Variants in AATF observed in about 807,000 individuals in gnomAD.
The protein encoded by AATF is apoptosis antagonizing transcription factor.
In AATF, 48 loss-of-function variants were observed where a neutral mutation model predicts 63.7. That is an observed-to-expected ratio of 0.75 (90% confidence interval 0.60 to 0.96). AATF has a LOEUF of 0.96. AATF is among the 40% of genes least tolerant of loss of function. The pLI is 0.00. For synonymous variants in AATF, 258 were observed against 247.7 expected (o/e 1.04, Z -0.39); for missense variants, 639 against 685.7 (o/e 0.93, Z 0.76).
At chr17:36,990,993 TTGACTTACAG>T in intron 8 of AATF, 136 bp downstream of exon 8, 4 of 543,718 alleles carry the variant, frequency 7.4e-6, no homozygotes, top group Non-Finnish European at 1.3e-5. Context: ...GCGTTCAAAA[TTGACTTACAG>T]TGTCATTGTG....
intron 11 of AATF, among the ~76,000 whole-genome samples, chr17:37,032,530 G>C (rs1406492267): frequency 1.3e-5 from 2 of 152,092 alleles, no homozygotes; most frequent in Non-Finnish European, 1.5e-5. Context: ...AGTGGATTGT[G>C]GTATTTAGAA....
chr17:36,985,882 G>A (rs2142244417), intron 4 of AATF, among the ~76,000 whole-genome samples: 1 of 152,198 alleles, frequency 6.6e-6, no homozygotes, highest in South Asian at 2.1e-4. Flanking sequence ...TTTATCCGTA[G>A]ACTATATACA....
chr17:36,950,660 C>T (rs1466516757), intron 2 of AATF, among the ~76,000 whole-genome samples: 1 of 152,080 alleles, frequency 6.6e-6, no homozygotes, highest in South Asian at 2.1e-4. Context: ...CCACCACGCC[C>T]GGCTAATTTT....
chr17:36,983,643 G>A (rs763337047), intron 4 of AATF, among the ~76,000 whole-genome samples: 2 of 152,100 alleles, frequency 1.3e-5, no homozygotes, highest in Non-Finnish European at 2.9e-5. Flanking sequence ...GAGCCACTGT[G>A]CCCAGACTGA....
intron 9 of AATF, among the ~76,000 whole-genome samples, chr17:37,020,317 G>A (rs1481332216): frequency 2.0e-5 from 3 of 151,810 alleles, no homozygotes; most frequent in Non-Finnish European, 4.4e-5. Context: ...TGTGGTAATG[G>A]TATTGAGATT....
intron 11 of AATF, among the ~76,000 whole-genome samples, chr17:37,037,144 G>C (rs1410294157): frequency 1.3e-5 from 2 of 151,798 alleles, no homozygotes; most frequent in Non-Finnish European, 2.9e-5. Context: ...GAGTAGCTGG[G>C]ACTGCAGGCG....
At chr17:36,965,628 A>T (rs1411274033) in intron 4 of AATF, among the ~76,000 whole-genome samples, 1 of 152,154 alleles carries the variant, frequency 6.6e-6, no homozygotes, top group Non-Finnish European at 1.5e-5. Flanking sequence ...CAAGGTATGA[A>T]TCTCATTCCT....
intron 11 of AATF, 79 bp from the exon 12 acceptor site, chr17:37,056,522 A>G (rs1463140015): frequency 1.4e-6 from 2 of 1,453,344 alleles, no homozygotes; most frequent in Non-Finnish European, 1.9e-6. Context: ...AGAATGGGGT[A>G]TTTTCCAGCT....
chr17:37,031,831 C>A, intron 11 of AATF, 146 bp downstream of exon 11: 1 of 686,200 alleles, frequency 1.5e-6, no homozygotes, highest in Non-Finnish European at 2.6e-6. Context: ...TCTTCACCCT[C>A]ATAATTACTA....
intron 8 of AATF, among the ~76,000 whole-genome samples, chr17:37,001,456 A>G (rs200712161): frequency 1.1e-3 from 77 of 69,422 alleles, no homozygotes; most frequent in East Asian, 2.8e-3. Flanking sequence ...AGGAAGGAAG[A>G]AAAAAAAAAA....
Position 37,056,780 on chromosome 17 carries a change from T to C in AATF, c.*116T>C. 1 of 1,168,084 alleles carries C rather than the reference T, an allele frequency of 8.6e-7. No homozygotes were observed. Among genetic ancestry groups the C allele is most frequent in the Non-Finnish European group, 1.2e-6 (1 of 812,888 alleles). The allele number at this position is 1,168,084 out of a possible 1,614,324, so 72.4% of individuals were successfully genotyped here. ...AGTAGGGAAGCCCCTGGAAAGATGC[T>C]GCGTTCCGAACCTGTGCCTAATACA... On this transcript the variant is annotated 3_prime_UTR_variant, in exon 12 of 12. Coordinates refer to ENST00000619387, the MANE Select transcript of AATF (RefSeq NM_012138.4).
At chr17:36,950,142 G>A (rs1272135572) in intron 1 of AATF, 72 bp from the exon 2 acceptor site, 2 of 1,520,408 alleles carry the variant, frequency 1.3e-6, no homozygotes, top group African/African-American at 2.8e-5. Flanking sequence ...GAGATAAATG[G>A]GTCGACCAGG....
At chr17:37,042,518 G>A (rs1361085582) in intron 11 of AATF, among the ~76,000 whole-genome samples, 2 of 149,864 alleles carry the variant, frequency 1.3e-5, no homozygotes, top group Non-Finnish European at 3.0e-5. Flanking sequence ...GTGCTCTAGT[G>A]ATTCTCCTGC....
chr17:37,032,040 T>C (rs186113562), intron 11 of AATF, among the ~76,000 whole-genome samples: 1 of 152,310 alleles, frequency 6.6e-6, no homozygotes, highest in Non-Finnish European at 1.5e-5. Flanking sequence ...CTCTAGTGAG[T>C]GCTCTGGAGA....
chr17:36,977,472 G>T (rs2071087754), intron 4 of AATF, among the ~76,000 whole-genome samples: 2 of 151,866 alleles, frequency 1.3e-5, no homozygotes, highest in Admixed American at 1.3e-4. Context: ...CACAGCAGAG[G>T]CTGTTTTTTT....
At chr17:36,970,050 T>G (rs2071026869) in intron 4 of AATF, among the ~76,000 whole-genome samples, 2 of 152,212 alleles carry the variant, frequency 1.3e-5, no homozygotes, top group Non-Finnish European at 2.9e-5. Flanking sequence ...TTGTTTCCAG[T>G]TTTTGGCTAT....
intron 11 of AATF, among the ~76,000 whole-genome samples, chr17:37,044,285 G>A (rs903225470): frequency 3.9e-5 from 6 of 152,070 alleles, no homozygotes; most frequent in African/African-American, 1.4e-4. Flanking sequence ...TTATTCATAG[G>A]TTAGGTCTCC....
At chr17:37,031,582 T>C in intron 10 of AATF, 32 bp from the exon 11 acceptor site, 1 of 1,562,814 alleles carries the variant, frequency 6.4e-7, no homozygotes, top group Non-Finnish European at 8.8e-7. Context: ...TAGTTACTAA[T>C]GTTGCTGCCT....
At chr17:37,047,161 T>C (rs1457385141) in intron 11 of AATF, among the ~76,000 whole-genome samples, 1 of 152,178 alleles carries the variant, frequency 6.6e-6, no homozygotes, top group Non-Finnish European at 1.5e-5. Context: ...CCATTTGTCT[T>C]CTCTCACATC....
Sources: gnomAD v4.1 joint callset for allele counts (sites outside exome capture counted in the v4.1 genomes callset) on GRCh38, gnomAD v4.1.1 for gene constraint, MANE v1.5 for transcripts, NCBI Gene and HGNC (gene_info 2026-07-23, HGNC 2026-07-21) for gene names.